The following EEF1E1 variants were observed in gnomAD, a reference collection of about 807,000 sequenced individuals.
The protein encoded by EEF1E1 is eukaryotic translation elongation factor 1 epsilon 1.
Under a neutral mutation model 19.9 loss-of-function variants are expected in EEF1E1, and 19 were observed. The ratio of observed to expected loss-of-function variants is 0.95; its 90% confidence interval spans 0.66 to 1.40. The LOEUF (loss-of-function observed/expected upper bound fraction) is 1.40, where lower values mean the gene tolerates loss of function less well. EEF1E1 is among the 40% of genes most tolerant of loss of function. The pLI, the probability that EEF1E1 is intolerant of heterozygous loss-of-function variation, is 0.00. For missense variants in EEF1E1, 198 were observed against 202.2 expected (o/e 0.98, Z 0.13); for synonymous variants, 81 against 80.0 (o/e 1.01, Z -0.07).
Position 8,080,524 on chromosome 6 carries a change from T to C in EEF1E1, c.385-494A>G, listed in dbSNP as rs769505384. Among the ~76,000 whole-genome samples, 6 of 152,320 alleles carry C rather than the reference T, an allele frequency of 3.9e-5. No individual in the cohort carries two copies. The South Asian group carries it at 1.0e-3, about 26-fold the overall frequency. ...GAGAACAGACCTTCATAATTCTGTT[T>C]GCAATAAAGCTGAACTCAATCTTTT... On this transcript the variant is annotated intron_variant, in intron 3 of 3. Transcript: ENST00000379715.
downstream of EEF1E1, among the ~76,000 whole-genome samples, chr6:8,077,157 A>C (rs1248540279): frequency 6.6e-6 from 1 of 151,836 alleles, no homozygotes; most frequent in Admixed American, 6.6e-5. Flanking sequence ...GTTAGCCAGG[A>C]TTGTCTCGAT....
chr6:8,098,000 T>C (rs1473871449), intron 1 of EEF1E1, among the ~76,000 whole-genome samples: 5 of 152,094 alleles, frequency 3.3e-5, no homozygotes, highest in Admixed American at 1.3e-4. Flanking sequence ...TATTACCTAA[T>C]GGGAAGACTG....
intron 2 of EEF1E1, among the ~76,000 whole-genome samples, chr6:8,093,324 CTT>C (rs57000456): frequency 0.14 from 18,829 of 135,034 alleles, 1,505 homozygotes; most frequent in South Asian, 0.23. Context: ...CATTCGCTTC[CTT>C]TTTTTTTTTT....
intron 3 of EEF1E1, among the ~76,000 whole-genome samples, chr6:8,087,167 G>A (rs907158284): frequency 6.6e-6 from 1 of 152,164 alleles, no homozygotes; most frequent in Non-Finnish European, 1.5e-5. Context: ...GCAGGCTCTG[G>A]GGCACATGTT....
intron 3 of EEF1E1, among the ~76,000 whole-genome samples, chr6:8,084,036 T>C (rs1757784743): frequency 6.6e-6 from 1 of 152,212 alleles, no homozygotes; most frequent in Non-Finnish European, 1.5e-5. Flanking sequence ...GCACTTGGAC[T>C]AGAGTGGGAG....
At position 8,097,363 on chromosome 6, in the gene EEF1E1, A is replaced by C. The variant is rs374065615; in HGVS notation, c.192T>G (p.Thr64=). Residue 64 remains threonine, a synonymous_variant, in exon 2 of 4, where the codon ACT becomes ACG. Coordinates refer to ENST00000379715, the MANE Select transcript of EEF1E1 (RefSeq NM_004280.5). The part of the protein sequence containing the change: ...QANKEYLLGS[T]AEEKAIVQQW... Reference sequence around the variant, plus strand: ...GCTGAACGATTGCTTTTTCTTCTGCAGTACTCCCCAGCAAATATTCTTTGT... The same window carrying C: ...GCTGAACGATTGCTTTTTCTTCTGCCGTACTCCCCAGCAAATATTCTTTGT... The C allele has an allele frequency of 2.5e-6, 4 of 1,614,082 alleles. No homozygotes were observed. In the African/African-American group the frequency reaches 4.0e-5, roughly 16 times the overall value.
At chr6:8,095,029 T>G (rs1758127196) in intron 2 of EEF1E1, among the ~76,000 whole-genome samples, 1 of 152,210 alleles carries the variant, frequency 6.6e-6, no homozygotes, top group South Asian at 2.1e-4. Context: ...TATTAGCAAT[T>G]GAGTTTTTGG....
At chr6:8,076,933 TTG>T (rs1399190584), downstream of EEF1E1, among the ~76,000 whole-genome samples, 6 of 140,476 alleles carry the variant, frequency 4.3e-5, no homozygotes, top group East Asian at 6.7e-4. Flanking sequence ...ATGATTTTTT[TTG>T]TTTTTGTTTT....
At chr6:8,074,191 A>C (rs958743414) in intron 3 of EEF1E1, among the ~76,000 whole-genome samples, 1 of 152,238 alleles carries the variant, frequency 6.6e-6, no homozygotes, top group Non-Finnish European at 1.5e-5. Flanking sequence ...GAGTAGCAAA[A>C]ACAGGAGCTG....
At chr6:8,080,941 T>C (rs1316950403) in intron 3 of EEF1E1, among the ~76,000 whole-genome samples, 6 of 152,262 alleles carry the variant, frequency 3.9e-5, no homozygotes, top group African/African-American at 1.2e-4. Flanking sequence ...GTGAGATGAA[T>C]GTCCTTTGCT....
downstream of EEF1E1, among the ~76,000 whole-genome samples, chr6:8,076,073 A>G (rs540453196): frequency 1.3e-5 from 2 of 152,220 alleles, no homozygotes; most frequent in Middle Eastern, 6.8e-3. Flanking sequence ...TATTTCCACC[A>G]CATCCGTAGT....
At chr6:8,099,782 AC>A (rs1358056682) in intron 1 of EEF1E1, among the ~76,000 whole-genome samples, 1,262 of 121,622 alleles carry the variant, frequency 0.01, 56 homozygotes, top group African/African-American at 0.04. Flanking sequence ...ACACACACAC[AC>A]ACACACACAA....
intron 1 of EEF1E1, among the ~76,000 whole-genome samples, chr6:8,099,793 A>AC (rs1554099777): frequency 0.012 from 1,461 of 116,918 alleles, 28 homozygotes; most frequent in East Asian, 0.04. Context: ...CACACACACA[A>AC]AAAAAAAACA....
At chr6:8,100,978 C>T (rs577268042) in intron 1 of EEF1E1, among the ~76,000 whole-genome samples, 2 of 149,074 alleles carry the variant, frequency 1.3e-5, no homozygotes, top group East Asian at 3.9e-4. Context: ...GTAATCCCAG[C>T]ACTTTAGGAG....
intron 2 of EEF1E1, among the ~76,000 whole-genome samples, chr6:8,091,873 T>A (rs1758019763): frequency 6.6e-6 from 1 of 152,240 alleles, no homozygotes; most frequent in East Asian, 1.9e-4. Context: ...TTGTTCCGAT[T>A]CTCAAATCAC....
At chr6:8,098,034 C>T (rs1157119179) in intron 1 of EEF1E1, among the ~76,000 whole-genome samples, 3 of 151,640 alleles carry the variant, frequency 2.0e-5, no homozygotes, top group Admixed American at 1.3e-4. Context: ...AACAAGTATA[C>T]AATCTCAATG....
At chr6:8,092,012 T>C (rs1456777442) in intron 2 of EEF1E1, among the ~76,000 whole-genome samples, 1 of 152,206 alleles carries the variant, frequency 6.6e-6, no homozygotes, top group Admixed American at 6.5e-5. Context: ...AGATGCAGTG[T>C]CTGGTAAGGG....
intron 1 of EEF1E1, chr6:8,101,995 T>C (rs980133207): frequency 1.3e-5 from 16 of 1,242,472 alleles, no homozygotes; most frequent in Middle Eastern, 3.1e-4. Flanking sequence ...TAAATCATCA[T>C]TGTATTCCCC....
Position 8,080,046 on chromosome 6 carries a change from A to G in EEF1E1, c.385-16T>C. On this transcript the variant is annotated splice_polypyrimidine_tract_variant and intron_variant, in intron 3 of 3. Transcript: ENST00000379715. ...TCAGGTCAACCTAAGTAGAGATTAA[A>G]AACATACACACACAACACAGATGTT... 2.5e-6 allele frequency: 4 copies of G among 1,612,362 alleles called. No individual in the cohort carries two copies. Among genetic ancestry groups the G allele is most frequent in the Non-Finnish European group, 1.7e-6 (2 of 1,179,520 alleles).
Sources: allele counts gnomAD v4.1 joint callset (sites outside exome capture counted in the v4.1 genomes callset), GRCh38; gene constraint gnomAD v4.1.1; transcripts MANE v1.5; gene names NCBI Gene and HGNC (gene_info 2026-07-23, HGNC 2026-07-21).